Variants in CSTPP1 observed in about 807,000 individuals in gnomAD.
The protein encoded by CSTPP1 is centriolar satellite-associated tubulin polyglutamylase complex regulator 1.
chr11:47,010,176 G>A, the CSTPP1 span, among the ~76,000 whole-genome samples: 8 of 152,250 alleles, frequency 5.3e-5, no homozygotes, highest in South Asian at 1.2e-3. Flanking sequence ...ATGGAACTCC[G>A]GGAAGCGAAG....
At chr11:46,955,885 A>T in the CSTPP1 span, among the ~76,000 whole-genome samples, 10 of 151,214 alleles carry the variant, frequency 6.6e-5, no homozygotes, top group East Asian at 2.0e-3. Flanking sequence ...GCTACTCAGG[A>T]GGCTGAGGCA....
chr11:47,161,259 T>C, the CSTPP1 span: 1 of 1,612,544 alleles, frequency 6.2e-7, no homozygotes, highest in Non-Finnish European at 8.5e-7. Context: ...CTGTGCCCCA[T>C]CTGGGGCCAA....
At chr11:47,013,057 A>G in the CSTPP1 span, among the ~76,000 whole-genome samples, 2 of 147,278 alleles carry the variant, frequency 1.4e-5, no homozygotes, top group African/African-American at 2.5e-5. Flanking sequence ...TATATAAATA[A>G]TAACATATAT....
chr11:46,945,916 G>T, the CSTPP1 span, among the ~76,000 whole-genome samples: 1 of 152,138 alleles, frequency 6.6e-6, no homozygotes, highest in Non-Finnish European at 1.5e-5. Flanking sequence ...TTCTCAGTTT[G>T]GTCAGCAGCT....
At chr11:46,953,689 T>C in the CSTPP1 span, among the ~76,000 whole-genome samples, 1 of 152,340 alleles carries the variant, frequency 6.6e-6, no homozygotes, top group East Asian at 1.9e-4. Context: ...TTATTACATG[T>C]AATATTGACA....
At chr11:47,056,087 C>A in the CSTPP1 span, among the ~76,000 whole-genome samples, 1 of 152,120 alleles carries the variant, frequency 6.6e-6, no homozygotes, top group Non-Finnish European at 1.5e-5. Flanking sequence ...GTTCCAGGAC[C>A]CCTGTTTATA....
At chr11:47,162,589 TGCA>T in the CSTPP1 span, among the ~76,000 whole-genome samples, 1 of 152,286 alleles carries the variant, frequency 6.6e-6, no homozygotes, top group South Asian at 2.1e-4. Flanking sequence ...AACAGTGGGA[TGCA>T]GCTGTGAAAG....
the CSTPP1 span, among the ~76,000 whole-genome samples, chr11:46,990,734 T>C: frequency 6.6e-6 from 1 of 152,190 alleles, no homozygotes; most frequent in Non-Finnish European, 1.5e-5. Flanking sequence ...ATTTCCTAGG[T>C]TTTCTTCTAG....
chr11:47,161,087 G>T, the CSTPP1 span: 3 of 1,613,318 alleles, frequency 1.9e-6, no homozygotes, highest in Non-Finnish European at 2.5e-6. Context: ...CTGGCTGAAG[G>T]GCCCTCAGAT....
the CSTPP1 span, among the ~76,000 whole-genome samples, chr11:47,095,831 A>G: frequency 2.0e-5 from 3 of 152,222 alleles, no homozygotes; most frequent in Non-Finnish European, 4.4e-5. Context: ...TGTTATGGAC[A>G]TTGAGAGTAC....
chr11:46,952,583 G>T, the CSTPP1 span, among the ~76,000 whole-genome samples: 4 of 152,204 alleles, frequency 2.6e-5, no homozygotes, highest in Non-Finnish European at 4.4e-5. Context: ...GCATAGATGT[G>T]CTGGTCAGTA....
At chr11:46,960,885 G>T in the CSTPP1 span, among the ~76,000 whole-genome samples, 1 of 151,944 alleles carries the variant, frequency 6.6e-6, no homozygotes, top group Non-Finnish European at 1.5e-5. Context: ...TTCATCAATT[G>T]TTGTAGGGTA....
chr11:46,959,930 G>A, the CSTPP1 span, among the ~76,000 whole-genome samples: 3 of 148,918 alleles, frequency 2.0e-5, no homozygotes, highest in Non-Finnish European at 4.4e-5. Context: ...GCAATGGTGC[G>A]ATTTCGGCTC....
At chr11:47,021,412 A>G in the CSTPP1 span, among the ~76,000 whole-genome samples, 1 of 152,136 alleles carries the variant, frequency 6.6e-6, no homozygotes, top group South Asian at 2.1e-4. Context: ...TCTAAGAAGG[A>G]GCTTTATTTC....
the CSTPP1 span, among the ~76,000 whole-genome samples, chr11:46,959,596 G>A: frequency 2.0e-5 from 3 of 152,074 alleles, no homozygotes; most frequent in Non-Finnish European, 4.4e-5. Context: ...TACTCCCACG[G>A]CTTTAGAGGT....
the CSTPP1 span, among the ~76,000 whole-genome samples, chr11:47,144,802 G>C: frequency 6.6e-6 from 1 of 152,044 alleles, no homozygotes; most frequent in Non-Finnish European, 1.5e-5. Flanking sequence ...TCTCAAACTT[G>C]AGCATGCATC....
chr11:47,074,444 G>A, the CSTPP1 span, among the ~76,000 whole-genome samples: 2 of 149,368 alleles, frequency 1.3e-5, no homozygotes, highest in African/African-American at 4.9e-5. Context: ...AGGCTGCAGT[G>A]AGCTGTGATC....
chr11:46,999,494 G>T, the CSTPP1 span, among the ~76,000 whole-genome samples: 1 of 152,140 alleles, frequency 6.6e-6, no homozygotes, highest in Non-Finnish European at 1.5e-5. Flanking sequence ...AATGTTGCTA[G>T]AGGGCTAACC....
the CSTPP1 span, among the ~76,000 whole-genome samples, chr11:47,131,326 G>A: frequency 2.0e-5 from 3 of 152,152 alleles, no homozygotes; most frequent in Non-Finnish European, 4.4e-5. Context: ...ATGTGGACAC[G>A]CATGGTGGTC....
Sources: gnomAD v4.1 joint callset for allele counts (sites outside exome capture counted in the v4.1 genomes callset) on GRCh38, gnomAD v4.1.1 for gene constraint, MANE v1.5 for transcripts, NCBI Gene and HGNC (gene_info 2026-07-23, HGNC 2026-07-21) for gene names.